Variants in MND1 observed in about 807,000 individuals in gnomAD.
MND1 encodes meiotic nuclear division protein 1 homolog.
A neutral mutation model predicts 35.1 loss-of-function variants in MND1; 28 were observed. The observed-to-expected ratio is 0.80, with a 90% CI of 0.59 to 1.09. MND1 has a LOEUF of 1.09. Among genes scored for constraint, MND1 ranks in the 50% least tolerant of loss-of-function variants. The pLI is 0.00. For synonymous variants in MND1, 69 were observed against 70.5 expected, an observed-to-expected ratio of 0.98 and a Z score of 0.11; for missense variants, 213 against 239.6, an observed-to-expected ratio of 0.89 and a Z score of 0.73.
intron 4 of MND1, among the ~76,000 whole-genome samples, chr4:153,386,902 T>G (rs902407957): frequency 2.0e-5 from 3 of 152,022 alleles, no homozygotes; most frequent in African/African-American, 7.2e-5. Flanking sequence ...GGATGCACAC[T>G]GGGCTTTACA....
intron 7 of MND1, among the ~76,000 whole-genome samples, chr4:153,414,051 A>G (rs1729765553): frequency 6.6e-6 from 1 of 151,314 alleles, no homozygotes; most frequent in East Asian, 1.9e-4. Flanking sequence ...TCTGGAAGCC[A>G]TTACTGTCTG....
intron 6 of MND1, among the ~76,000 whole-genome samples, chr4:153,398,954 C>T (rs1188989616): frequency 1.3e-5 from 2 of 152,114 alleles, no homozygotes; most frequent in African/African-American, 4.8e-5. Flanking sequence ...ACATTGTGTA[C>T]CTTATCTAGA....
intron 6 of MND1, among the ~76,000 whole-genome samples, chr4:153,399,744 T>C (rs1419298477): frequency 1.3e-5 from 2 of 152,174 alleles, no homozygotes; most frequent in Non-Finnish European, 2.9e-5. Flanking sequence ...CATTCTGCTG[T>C]CTATCTTAAC....
chr4:153,399,123 T>A (rs1430476954), intron 6 of MND1, among the ~76,000 whole-genome samples: 1 of 152,230 alleles, frequency 6.6e-6, no homozygotes, highest in African/African-American at 2.4e-5. Flanking sequence ...ACCCTTCATT[T>A]ACTCTTACTT....
At chr4:153,382,486 C>G (rs1409738909) in intron 4 of MND1, among the ~76,000 whole-genome samples, 3 of 152,116 alleles carry the variant, frequency 2.0e-5, no homozygotes. Flanking sequence ...AATCCAAGTC[C>G]TCTTGAACCA....
At chr4:153,351,941 A>G (rs1773225582) in intron 2 of MND1, among the ~76,000 whole-genome samples, 1 of 152,220 alleles carries the variant, frequency 6.6e-6, no homozygotes, top group Admixed American at 6.5e-5. Flanking sequence ...CCTATAGTGA[A>G]CAAATTTTAA....
At chr4:153,411,348 CG>C (rs953988205) in intron 7 of MND1, among the ~76,000 whole-genome samples, 1 of 151,978 alleles carries the variant, frequency 6.6e-6, no homozygotes, top group Admixed American at 6.6e-5. Flanking sequence ...AAATTCTGCC[CG>C]TCTTAAGGTT....
At position 153,350,141 on chromosome 4, in the gene MND1, T is replaced by C; in HGVS notation, c.69+12T>C. ...TATTTTCTGAAACAGTAAGTCATTT[T>C]CTTTAACACTTATAATTTTGTGTAA... On this transcript the variant is annotated intron_variant, in intron 2 of 7. Coordinates refer to ENST00000240488, the MANE Select transcript of MND1 (RefSeq NM_032117.4). The C allele has an allele frequency of 1.3e-6, 2 of 1,575,254 alleles. No homozygotes were observed. Among genetic ancestry groups the C allele is most frequent in the South Asian group, 1.1e-5 (1 of 87,850 alleles).
intron 4 of MND1, among the ~76,000 whole-genome samples, chr4:153,374,834 G>A (rs79513325): frequency 0.01 from 1,573 of 151,958 alleles, 30 homozygotes; most frequent in African/African-American, 0.035. Context: ...TCTCTTTAAC[G>A]TCTTCTAAGA....
intron 6 of MND1, among the ~76,000 whole-genome samples, chr4:153,406,623 A>G: frequency 6.6e-6 from 1 of 152,208 alleles, no homozygotes; most frequent in Non-Finnish European, 1.5e-5. Context: ...AGAACTCATA[A>G]TACAACAATA....
chr4:153,363,035 T>C, intron 4 of MND1: 7 of 984,886 alleles, frequency 7.1e-6, no homozygotes, highest in Non-Finnish European at 8.4e-6. Flanking sequence ...GGTAAGCTCC[T>C]TGTTATTTTC....
intron 4 of MND1, among the ~76,000 whole-genome samples, chr4:153,384,347 T>G (rs1728791528): frequency 6.8e-6 from 1 of 146,812 alleles, no homozygotes; most frequent in African/African-American, 2.5e-5. Context: ...CATGGCTCAC[T>G]GTAGCCTTGA....
intron 1 of MND1, among the ~76,000 whole-genome samples, chr4:153,347,294 GCAGAT>G (rs1268438597): frequency 6.6e-6 from 1 of 152,194 alleles, no homozygotes; most frequent in African/African-American, 2.4e-5. Context: ...GGTTTAGTGA[GCAGAT>G]CTGTATGGGT....
At chr4:153,363,932 A>G (rs1773560773) in intron 4 of MND1, among the ~76,000 whole-genome samples, 1 of 152,170 alleles carries the variant, frequency 6.6e-6, no homozygotes, top group South Asian at 2.1e-4. Flanking sequence ...TAGGATGGCT[A>G]CTATCAAAAA....
intron 4 of MND1, among the ~76,000 whole-genome samples, chr4:153,375,785 T>C (rs1027823681): frequency 5.5e-4 from 84 of 152,170 alleles, no homozygotes; most frequent in Non-Finnish European, 6.3e-4. Flanking sequence ...AAATTTTCCT[T>C]CTCTGTATAT....
At chr4:153,404,268 G>A (rs1428863778) in intron 6 of MND1, among the ~76,000 whole-genome samples, 5 of 128,748 alleles carry the variant, frequency 3.9e-5, no homozygotes, top group Middle Eastern at 9.4e-3. Flanking sequence ...TGCAACCTCC[G>A]CCTCCTGGGT....
intron 6 of MND1, among the ~76,000 whole-genome samples, chr4:153,398,849 A>G (rs1729269682): frequency 6.6e-6 from 1 of 152,196 alleles, no homozygotes; most frequent in African/African-American, 2.4e-5. Flanking sequence ...ACAACAGGAG[A>G]GTACCTCACA....
At chr4:153,381,692 A>ATATATAT (rs1554011429) in intron 4 of MND1, 4 of 17,480 alleles carry the variant, frequency 2.3e-4, no homozygotes, top group Non-Finnish European at 3.1e-4. Flanking sequence ...ATATATATAT[A>ATATATAT]TTTTTTTTTT....
chr4:153,398,980 C>T (rs559192678), intron 6 of MND1, among the ~76,000 whole-genome samples: 1 of 152,322 alleles, frequency 6.6e-6, no homozygotes, highest in East Asian at 1.9e-4. Flanking sequence ...TTCTCATTCT[C>T]TTGCAAGAGA....
Sources: allele counts gnomAD v4.1 joint callset (sites outside exome capture counted in the v4.1 genomes callset), GRCh38; gene constraint gnomAD v4.1.1; transcripts MANE v1.5; gene names NCBI Gene and HGNC (gene_info 2026-07-23, HGNC 2026-07-21).